EYA1: variants seen among roughly 807,000 people sequenced by gnomAD.
EYA1 encodes EYA transcriptional coactivator and phosphatase 1.
EYA1 carries 16 observed loss-of-function variants against 82.0 expected under a neutral mutation model. The ratio of observed to expected loss-of-function variants is 0.20; its 90% CI spans 0.13 to 0.30. The LOEUF (loss-of-function observed/expected upper bound fraction) is 0.30. Among genes scored for constraint, EYA1 ranks in the 10% least tolerant of loss-of-function variants. The pLI is 1.00. For missense variants in EYA1, 633 were observed against 730.7 expected (o/e 0.87, Z 1.54); for synonymous variants, 261 against 264.4 (o/e 0.99, Z 0.12).
At chr8:71,349,210 A>G (rs1467921662) in intron 3 of EYA1, among the ~76,000 whole-genome samples, 2 of 152,204 alleles carry the variant, frequency 1.3e-5, no homozygotes, top group African/African-American at 2.4e-5. Flanking sequence ...CAGAACTTCA[A>G]GACCGGACTA....
chr8:71,203,115 A>C (rs1171281022), intron 17 of EYA1, among the ~76,000 whole-genome samples: 1 of 152,164 alleles, frequency 6.6e-6, no homozygotes, highest in Non-Finnish European at 1.5e-5. Flanking sequence ...GAATGAGGAG[A>C]CCTGGGTTAT....
chr8:71,457,321 A>C (rs1247233876), intron 2 of EYA1, among the ~76,000 whole-genome samples: 1 of 152,210 alleles, frequency 6.6e-6, no homozygotes, highest in African/African-American at 2.4e-5. Context: ...TGGGAGGGTA[A>C]ACTAGTTCAA....
intron 7 of EYA1, among the ~76,000 whole-genome samples, chr8:71,316,067 G>A (rs1821894251): frequency 6.6e-6 from 1 of 151,980 alleles, no homozygotes; most frequent in African/African-American, 2.4e-5. Context: ...AAAATAATAA[G>A]ATAAAGATGA....
intron 12 of EYA1, among the ~76,000 whole-genome samples, chr8:71,218,087 A>C (rs980043995): frequency 2.6e-5 from 4 of 152,218 alleles, no homozygotes; most frequent in African/African-American, 9.6e-5. Flanking sequence ...GTCAGGCTCC[A>C]AATACCCCAG....
chr8:71,245,754 C>A (rs1813013494), intron 11 of EYA1, among the ~76,000 whole-genome samples: 1 of 152,108 alleles, frequency 6.6e-6, no homozygotes, highest in South Asian at 2.1e-4. Flanking sequence ...TAAGTGTACT[C>A]AAAGCAGGAA....
At chr8:71,308,231 T>C (rs185930921) in intron 7 of EYA1, among the ~76,000 whole-genome samples, 7 of 152,288 alleles carry the variant, frequency 4.6e-5, no homozygotes, top group African/African-American at 1.7e-4. Context: ...ACAAAAATCA[T>C]AGACACACTA....
intron 3 of EYA1, among the ~76,000 whole-genome samples, chr8:71,345,983 T>A (rs1825648593): frequency 6.6e-6 from 1 of 151,842 alleles, no homozygotes; most frequent in African/African-American, 2.4e-5. Flanking sequence ...ATCTTACACA[T>A]ACACACAAAC....
chr8:71,224,883 T>A (rs1335816996), intron 12 of EYA1, among the ~76,000 whole-genome samples: 1 of 152,180 alleles, frequency 6.6e-6, no homozygotes, highest in Admixed American at 6.5e-5. Context: ...AAAAACTAAG[T>A]GAAATGGGAC....
intron 2 of EYA1, among the ~76,000 whole-genome samples, chr8:71,397,291 T>G (rs1829683941): frequency 1.3e-5 from 2 of 152,228 alleles, no homozygotes; most frequent in African/African-American, 2.4e-5. Context: ...TATTTACATT[T>G]AAGGTTAATA....
chr8:71,331,277 CACACACACATATATAT>C (rs1264503993), intron 4 of EYA1, among the ~76,000 whole-genome samples: 2 of 123,312 alleles, frequency 1.6e-5, no homozygotes, highest in African/African-American at 2.7e-5. Context: ...CACACACACA[CACACACACATATATAT>C]ACATATATAT....
intron 2 of EYA1, among the ~76,000 whole-genome samples, chr8:71,368,860 C>T (rs573731599): frequency 9.9e-5 from 15 of 151,828 alleles, no homozygotes; most frequent in African/African-American, 2.9e-4. Context: ...ATGACTTATA[C>T]GTGAAAAGGA....
chr8:71,324,865 A>T (rs1196797610), intron 4 of EYA1, among the ~76,000 whole-genome samples: 4 of 151,564 alleles, frequency 2.6e-5, no homozygotes. Context: ...CCATACTCTC[A>T]GGATCCCTGT....
chr8:71,335,383 A>T (rs977632158), intron 3 of EYA1, among the ~76,000 whole-genome samples: 2 of 152,334 alleles, frequency 1.3e-5, no homozygotes, highest in East Asian at 1.9e-4. Flanking sequence ...CTCCTAATGC[A>T]TAATGAGTAG....
intron 2 of EYA1, among the ~76,000 whole-genome samples, chr8:71,411,739 G>C (rs1464483254): frequency 1.1e-4 from 16 of 144,136 alleles, no homozygotes; most frequent in Non-Finnish European, 1.7e-4. Flanking sequence ...ACAGGTGCTG[G>C]AGAGGATGTG....
chr8:71,232,280 G>A (rs573662997), intron 12 of EYA1, among the ~76,000 whole-genome samples: 5 of 152,352 alleles, frequency 3.3e-5, no homozygotes, highest in South Asian at 2.1e-4. Flanking sequence ...AGGACGCCCA[G>A]CAGCCTGCAC....
chr8:71,245,404 T>G (rs2128906160), intron 11 of EYA1, among the ~76,000 whole-genome samples: 2 of 152,186 alleles, frequency 1.3e-5, no homozygotes, highest in South Asian at 4.2e-4. Context: ...TTTTTTTTTG[T>G]ATTTTTAGTA....
intron 12 of EYA1, among the ~76,000 whole-genome samples, chr8:71,219,279 T>G (rs1162830258): frequency 6.6e-6 from 1 of 152,216 alleles, no homozygotes; most frequent in Non-Finnish European, 1.5e-5. Context: ...GATAGCAAAC[T>G]CACTTCACAG....
chr8:71,418,464 A>C (rs1183913316), intron 2 of EYA1, among the ~76,000 whole-genome samples: 1 of 152,148 alleles, frequency 6.6e-6, no homozygotes, highest in East Asian at 1.9e-4. Context: ...GCACTTTGGC[A>C]TACAGAATAA....
At chr8:71,249,619 G>T (rs1813507083) in intron 11 of EYA1, among the ~76,000 whole-genome samples, 1 of 152,090 alleles carries the variant, frequency 6.6e-6, no homozygotes, top group Non-Finnish European at 1.5e-5. Flanking sequence ...TGGAGACACA[G>T]CAAAACCATA....
Sources: gnomAD v4.1 joint callset for allele counts (sites outside exome capture counted in the v4.1 genomes callset) on GRCh38, gnomAD v4.1.1 for gene constraint, MANE v1.5 for transcripts, NCBI Gene and HGNC (gene_info 2026-07-23, HGNC 2026-07-21) for gene names.